GRM8: variants seen among roughly 807,000 people sequenced by gnomAD.
GRM8 encodes the protein glutamate metabotropic receptor 8.
GRM8 carries 47 observed loss-of-function variants against 87.2 expected under a neutral mutation model. The ratio of observed to expected loss-of-function variants is 0.54; its 90% CI spans 0.43 to 0.69. GRM8 has a LOEUF of 0.69. Ranked by LOEUF, GRM8 falls within the 30% of genes least tolerant of loss-of-function variation. GRM8 has a pLI of 0.00. For synonymous variants in GRM8, 396 were observed against 404.5 expected (o/e 0.98, Z 0.25); for missense variants, 1,019 against 1,139.2 (o/e 0.89, Z 1.52).
chr7:126,631,072 G>C (rs1315759118), intron 7 of GRM8, among the ~76,000 whole-genome samples: 1 of 152,114 alleles, frequency 6.6e-6, no homozygotes, highest in African/African-American at 2.4e-5. Context: ...TATTCAAATA[G>C]GAAGAGAGGA....
chr7:126,877,736 A>G (rs1198776560), intron 6 of GRM8, among the ~76,000 whole-genome samples: 4 of 152,168 alleles, frequency 2.6e-5, no homozygotes, highest in Non-Finnish European at 5.9e-5. Flanking sequence ...CAGCCCACCT[A>G]TGAACTCTCA....
intron 6 of GRM8, among the ~76,000 whole-genome samples, chr7:126,885,025 G>A (rs1800359475): frequency 6.6e-6 from 1 of 152,124 alleles, no homozygotes; most frequent in African/African-American, 2.4e-5. Flanking sequence ...CCAAAGTCCT[G>A]TCCTGTGCAC....
intron 2 of GRM8, among the ~76,000 whole-genome samples, chr7:127,178,184 A>G (rs1190314895): frequency 2.6e-5 from 4 of 152,306 alleles, no homozygotes; most frequent in African/African-American, 7.2e-5. Context: ...AACTTTAGAC[A>G]CACTTTTAGA....
At chr7:126,880,213 G>T (rs1420077323) in intron 6 of GRM8, among the ~76,000 whole-genome samples, 1 of 152,118 alleles carries the variant, frequency 6.6e-6, no homozygotes, top group Non-Finnish European at 1.5e-5. Flanking sequence ...CAGCTCATGT[G>T]CCTCCACACC....
intron 6 of GRM8, among the ~76,000 whole-genome samples, chr7:126,820,505 T>C (rs1442853906): frequency 6.6e-6 from 1 of 152,216 alleles, no homozygotes; most frequent in East Asian, 1.9e-4. Context: ...TCTTCCTTAA[T>C]CAATTATTTT....
chr7:126,913,818 C>CTTAAAG (rs1803561429), intron 3 of GRM8, among the ~76,000 whole-genome samples: 1 of 152,164 alleles, frequency 6.6e-6, no homozygotes, highest in African/African-American at 2.4e-5. Context: ...CAACATGAAA[C>CTTAAAG]TGTAAGTTTA....
At chr7:127,213,742 TTAGG>T (rs1271943380) in intron 2 of GRM8, among the ~76,000 whole-genome samples, 1 of 152,228 alleles carries the variant, frequency 6.6e-6, no homozygotes, top group Non-Finnish European at 1.5e-5. Flanking sequence ...ATCCATTACA[TTAGG>T]TTTTATGTTT....
At chr7:127,201,723 A>G (rs1179127489) in intron 2 of GRM8, among the ~76,000 whole-genome samples, 1 of 152,230 alleles carries the variant, frequency 6.6e-6, no homozygotes, top group African/African-American at 2.4e-5. Context: ...CAACTAGAGT[A>G]ACCCTCTAGG....
intron 2 of GRM8, among the ~76,000 whole-genome samples, chr7:127,133,906 G>GA (rs1563534465): frequency 6.6e-6 from 1 of 152,052 alleles, no homozygotes; most frequent in Non-Finnish European, 1.5e-5. Context: ...TAGCTGCCAA[G>GA]AAAAGTATAT....
At chr7:126,777,531 C>G (rs1381680156) in intron 6 of GRM8, among the ~76,000 whole-genome samples, 2 of 152,062 alleles carry the variant, frequency 1.3e-5, no homozygotes, top group Non-Finnish European at 1.5e-5. Context: ...TTACTTACAC[C>G]CACCAGACCA....
chr7:127,242,299 G>A (rs781650354), intron 2 of GRM8, among the ~76,000 whole-genome samples: 3 of 152,152 alleles, frequency 2.0e-5, no homozygotes, highest in Non-Finnish European at 4.4e-5. Context: ...GTTTCACTCA[G>A]TAAATTAAAT....
chr7:126,647,316 TAGATAGATA>T (rs1803237200), intron 7 of GRM8, among the ~76,000 whole-genome samples: 1 of 127,896 alleles, frequency 7.8e-6, no homozygotes, highest in African/African-American at 2.7e-5. Flanking sequence ...GATAGATAGA[TAGATAGATA>T]GATAGATAGA....
At chr7:127,044,550 A>T (rs1818748995) in intron 3 of GRM8, among the ~76,000 whole-genome samples, 1 of 152,278 alleles carries the variant, frequency 6.6e-6, no homozygotes, top group South Asian at 2.1e-4. Flanking sequence ...ACTCTTTTGA[A>T]CTACCGTTTA....
chr7:127,072,405 G>A (rs1210395182), intron 3 of GRM8, among the ~76,000 whole-genome samples: 1 of 152,116 alleles, frequency 6.6e-6, no homozygotes, highest in East Asian at 1.9e-4. Context: ...ATTATCTGTA[G>A]AATAAAATAT....
intron 2 of GRM8, among the ~76,000 whole-genome samples, chr7:127,133,185 C>A (rs1827778870): frequency 1.3e-5 from 2 of 151,834 alleles, no homozygotes; most frequent in African/African-American, 4.8e-5. Flanking sequence ...TTTGGAAGGC[C>A]AAGGTGGGCA....
intron 9 of GRM8, among the ~76,000 whole-genome samples, chr7:126,530,657 C>A (rs1367427207): frequency 6.6e-6 from 1 of 152,182 alleles, no homozygotes; most frequent in Non-Finnish European, 1.5e-5. Flanking sequence ...CTGAACAGTA[C>A]AAAAGAAAAT....
At chr7:127,169,090 G>A (rs935054314) in intron 2 of GRM8, among the ~76,000 whole-genome samples, 26 of 150,514 alleles carry the variant, frequency 1.7e-4, no homozygotes, top group Admixed American at 1.6e-3. Flanking sequence ...AAAAAAAAAA[G>A]CTAGAAATGA....
At chr7:126,867,982 A>C (rs1426571900) in intron 6 of GRM8, among the ~76,000 whole-genome samples, 1 of 152,196 alleles carries the variant, frequency 6.6e-6, no homozygotes, top group Non-Finnish European at 1.5e-5. Context: ...TCAGAGAAAA[A>C]ATGAAGTGTG....
intron 2 of GRM8, among the ~76,000 whole-genome samples, chr7:127,109,840 C>T (rs1826182628): frequency 6.6e-6 from 1 of 152,132 alleles, no homozygotes; most frequent in South Asian, 2.1e-4. Context: ...TTGCATTCCA[C>T]CAAAATATTG....
Sources: gnomAD v4.1 joint callset for allele counts (sites outside exome capture counted in the v4.1 genomes callset) on GRCh38, gnomAD v4.1.1 for gene constraint, MANE v1.5 for transcripts, NCBI Gene and HGNC (gene_info 2026-07-23, HGNC 2026-07-21) for gene names.